SLC4A7: variants seen among roughly 807,000 people sequenced by gnomAD.
SLC4A7 encodes sodium bicarbonate cotransporter 3.
A neutral mutation model predicts 137.6 loss-of-function variants in SLC4A7; 51 were observed. That is an observed-to-expected ratio of 0.37 (90% CI 0.30 to 0.47). The LOEUF is 0.47. Ranked by LOEUF, SLC4A7 falls within the 20% of genes least tolerant of loss-of-function variation. The pLI, the probability that SLC4A7 is intolerant of heterozygous loss-of-function variation, is 1.00. For missense variants in SLC4A7, 1,247 were observed against 1,525.4 expected (o/e 0.82, Z 3.04); for synonymous variants, 542 against 518.6 (o/e 1.05, Z -0.61).
chr3:27,421,824 G>A (rs1377312157), intron 8 of SLC4A7, 45 bp from the exon 9 acceptor site: 2 of 1,476,372 alleles, frequency 1.4e-6, no homozygotes, highest in Non-Finnish European at 1.9e-6. Context: ...CGTGGTATTT[G>A]TAAGACTAGA....
At chr3:27,399,474 G>A (rs150846211) in intron 16 of SLC4A7, among the ~76,000 whole-genome samples, 261 of 152,034 alleles carry the variant, frequency 1.7e-3, no homozygotes, top group African/African-American at 5.4e-3. Context: ...TCATTCTGTC[G>A]CCCAGGCTGG....
In SLC4A7 at chr3:27,417,211, C is replaced by T. The variant is rs1176873273; in HGVS notation, c.1659+1275G>A. Among the ~76,000 whole-genome samples, 13 of 152,248 alleles carry T rather than the reference C, an allele frequency of 8.5e-5. No individual in the cohort carries two copies. The South Asian group carries it at 2.7e-3, about 32-fold the overall frequency. ...ATGGAATTTTAGCTAATAAAGGCAG[C>T]ATCACCAACCAAGGGGAGCAATGTT... On this transcript the variant is annotated intron_variant, in intron 11 of 25. Coordinates refer to ENST00000454389, the MANE Select transcript of SLC4A7 (RefSeq NM_001321103.2).
chr3:27,450,036 G>A (rs1424790911), intron 2 of SLC4A7, among the ~76,000 whole-genome samples: 3 of 152,110 alleles, frequency 2.0e-5, no homozygotes, highest in Non-Finnish European at 4.4e-5. Flanking sequence ...TTTTCGGACA[G>A]GCACAGAGCA....
intron 1 of SLC4A7, among the ~76,000 whole-genome samples, chr3:27,473,705 CAAAAAAAAAAAAA>C (rs747183440): frequency 3.4e-5 from 2 of 59,466 alleles, no homozygotes; most frequent in East Asian, 5.1e-4. Flanking sequence ...GACCTCATGT[CAAAAAAAAAAAAA>C]AAAAAAAAAA....
intron 3 of SLC4A7, among the ~76,000 whole-genome samples, chr3:27,441,091 G>A (rs923391160): frequency 6.6e-5 from 10 of 152,118 alleles, no homozygotes; most frequent in Admixed American, 2.0e-4. Flanking sequence ...CATCAGCAAA[G>A]TCCTCTTTGC....
At chr3:27,406,507 T>C (rs145342093) in intron 13 of SLC4A7, among the ~76,000 whole-genome samples, 1,572 of 152,336 alleles carry the variant, frequency 0.01, 17 homozygotes, top group Middle Eastern at 0.031. Flanking sequence ...GTTAATTATA[T>C]GGGCTAAATT....
chr3:27,378,063 G>T (rs1056077635), intron 25 of SLC4A7, among the ~76,000 whole-genome samples: 3 of 152,074 alleles, frequency 2.0e-5, no homozygotes, highest in Admixed American at 1.3e-4. Context: ...ATAGTAAAAA[G>T]AATATTTAGA....
intron 1 of SLC4A7, among the ~76,000 whole-genome samples, chr3:27,479,423 CA>C (rs56385410): frequency 3.2e-4 from 46 of 142,252 alleles, no homozygotes; most frequent in South Asian, 2.0e-3. Flanking sequence ...GCCTCAGCAA[CA>C]AAAAAAAAAA....
At chr3:27,382,910 T>G (rs2050567637) in intron 24 of SLC4A7, among the ~76,000 whole-genome samples, 1 of 152,194 alleles carries the variant, frequency 6.6e-6, no homozygotes, top group African/African-American at 2.4e-5. Flanking sequence ...CAAGCAAATT[T>G]TATTGGCTTG....
At chr3:27,481,894 G>C (rs2059723864) in intron 1 of SLC4A7, among the ~76,000 whole-genome samples, 1 of 152,190 alleles carries the variant, frequency 6.6e-6, no homozygotes, top group Non-Finnish European at 1.5e-5. Flanking sequence ...CCAGCACTCT[G>C]TGAGGCCGAG....
At chr3:27,458,786 C>G (rs1321630164) in intron 1 of SLC4A7, among the ~76,000 whole-genome samples, 1 of 152,032 alleles carries the variant, frequency 6.6e-6, no homozygotes. Flanking sequence ...AGGTCAGGTT[C>G]AAGACCAGCC....
intron 16 of SLC4A7, among the ~76,000 whole-genome samples, chr3:27,398,740 T>C (rs2052457537): frequency 6.6e-6 from 1 of 152,176 alleles, no homozygotes; most frequent in Non-Finnish European, 1.5e-5. Flanking sequence ...TCTGAACAAG[T>C]GGTTTAAAAC....
At chr3:27,432,768 T>C (rs2056416258) in intron 6 of SLC4A7, among the ~76,000 whole-genome samples, 1 of 152,118 alleles carries the variant, frequency 6.6e-6, no homozygotes, top group Admixed American at 6.6e-5. Context: ...CAAATTACAA[T>C]TGGACAATAG....
chr3:27,455,590 T>C (rs77604213), intron 1 of SLC4A7, among the ~76,000 whole-genome samples: 13 of 150,020 alleles, frequency 8.7e-5, no homozygotes, highest in Non-Finnish European at 1.5e-4. Flanking sequence ...TTTTTTTTTT[T>C]GGAGACAGAG....
intron 22 of SLC4A7, 34 bp downstream of exon 22, chr3:27,389,897 A>G: frequency 2.6e-6 from 4 of 1,511,314 alleles, no homozygotes; most frequent in Non-Finnish European, 3.7e-6. Context: ...ACATATTATT[A>G]ATTAGTGACA....
At chr3:27,481,968 T>C (rs1210407878) in intron 1 of SLC4A7, among the ~76,000 whole-genome samples, 1 of 152,106 alleles carries the variant, frequency 6.6e-6, no homozygotes, top group African/African-American at 2.4e-5. Context: ...ATCCCATCTC[T>C]ACTAAAAATA....
Position 27,420,772 on chromosome 3 carries a change from T to C in SLC4A7, c.1440A>G (p.Leu480=). Residue 480 remains leucine, a synonymous_variant, in exon 10 of 26, where the codon TTA becomes TTG. Transcript: ENST00000454389. ...GTGGTGCCTTGCCCGCTGGACCCAA[T>C]AACAAAAACAAAAACCTAAGGAAAT... The part of the protein sequence containing the change: ...VPVPTRFLFL[L]LGPAGKAPQY... 6.2e-7 allele frequency: 1 copy of C among 1,612,646 alleles called. No individual in the cohort carries two copies. The highest frequency in any genetic ancestry group is 8.5e-7 in the Non-Finnish European group (1 of 1,178,992).
intron 1 of SLC4A7, among the ~76,000 whole-genome samples, chr3:27,466,585 T>C (rs9834200): frequency 0.93 from 141,522 of 152,274 alleles, 65,864 homozygotes; most frequent in East Asian, 1. Context: ...CCCAGCACTT[T>C]GGGAAGCTGA....
At chr3:27,475,769 G>C (rs1320340480) in intron 1 of SLC4A7, among the ~76,000 whole-genome samples, 8 of 152,172 alleles carry the variant, frequency 5.3e-5, no homozygotes, top group Middle Eastern at 3.4e-3. Context: ...TATAATTAAG[G>C]TCATTTGGGA....
Sources: allele counts gnomAD v4.1 joint callset (sites outside exome capture counted in the v4.1 genomes callset), GRCh38; gene constraint gnomAD v4.1.1; transcripts MANE v1.5; gene names NCBI Gene and HGNC (gene_info 2026-07-23, HGNC 2026-07-21).